The following KIF16B variants were observed in gnomAD, a reference collection of about 807,000 sequenced individuals.
KIF16B encodes the protein kinesin family member 16B.
KIF16B carries 98 observed loss-of-function variants against 156.3 expected under a neutral mutation model. That is an observed-to-expected ratio of 0.63 (90% CI 0.53 to 0.74). The LOEUF (loss-of-function observed/expected upper bound fraction) is 0.74, where lower values mean the gene tolerates loss of function less well. Among genes scored for constraint, KIF16B ranks in the 30% least tolerant of loss-of-function variants. The pLI is 0.00. For missense variants in KIF16B, 1,421 were observed against 1,606.5 expected (o/e 0.88, Z 1.97); for synonymous variants, 564 against 583.7 (o/e 0.97, Z 0.49).
At chr20:16,560,272 A>C (rs2071009141) in intron 1 of KIF16B, among the ~76,000 whole-genome samples, 1 of 152,100 alleles carries the variant, frequency 6.6e-6, no homozygotes, top group Non-Finnish European at 1.5e-5. Context: ...AATTTGAGCT[A>C]GTCTCCATCA....
intron 6 of KIF16B, among the ~76,000 whole-genome samples, chr20:16,508,711 C>T (rs932265524): frequency 6.6e-6 from 1 of 152,136 alleles, no homozygotes; most frequent in Non-Finnish European, 1.5e-5. Context: ...TACCAGTCTG[C>T]AGCCCGGGGG....
At chr20:16,449,511 C>T (rs2067023262) in intron 12 of KIF16B, among the ~76,000 whole-genome samples, 1 of 152,184 alleles carries the variant, frequency 6.6e-6, no homozygotes, top group Non-Finnish European at 1.5e-5. Flanking sequence ...AGAAGGTCCA[C>T]AAACTTGCTC....
rs568965914 is a variant in KIF16B, at chr20:16,413,294, T to C, written c.1613-6838A>G. Among the ~76,000 whole-genome samples the C allele has an allele frequency of 5.9e-5, 9 of 152,244 alleles. No homozygotes were observed. The South Asian group carries it at 1.7e-3, about 28-fold the overall frequency. On this transcript the variant is annotated intron_variant, in intron 15 of 25. Transcript: ENST00000354981. ...GAGGGGACATGACATTGTGAAAGCATAGACAAAGACATTGCTGGTTTCACA... is the reference window on the plus strand; with the variant it reads ...GAGGGGACATGACATTGTGAAAGCACAGACAAAGACATTGCTGGTTTCACA...
chr20:16,511,253 C>G (rs2068946227), intron 6 of KIF16B, among the ~76,000 whole-genome samples, 165 bp downstream of exon 6: 1 of 152,156 alleles, frequency 6.6e-6, no homozygotes, highest in Non-Finnish European at 1.5e-5. Flanking sequence ...TATAAATTCA[C>G]TAACGGAACA....
At chr20:16,410,124 TGTAG>T (rs1446150380) in intron 15 of KIF16B, among the ~76,000 whole-genome samples, 5 of 139,968 alleles carry the variant, frequency 3.6e-5, no homozygotes, top group African/African-American at 1.3e-4. Context: ...CATATATATA[TGTAG>T]GTACATATAT....
intron 25 of KIF16B, 95 bp downstream of exon 25, chr20:16,312,240 T>G (rs2063629826): frequency 2.4e-6 from 2 of 838,852 alleles, no homozygotes; most frequent in Admixed American, 2.3e-5. Context: ...TTCACACTTG[T>G]GAAGAAATTT....
At chr20:16,337,632 C>T (rs1465428271) in intron 23 of KIF16B, among the ~76,000 whole-genome samples, 2 of 152,202 alleles carry the variant, frequency 1.3e-5, no homozygotes, top group African/African-American at 4.8e-5. Flanking sequence ...AAGCACGTCA[C>T]TTGAGCTTGG....
intron 22 of KIF16B, among the ~76,000 whole-genome samples, chr20:16,369,731 C>T (rs1471742148): frequency 1.3e-5 from 2 of 152,170 alleles, no homozygotes; most frequent in Non-Finnish European, 2.9e-5. Flanking sequence ...ATTTCTCTCT[C>T]CTTTTGGTTT....
At chr20:16,426,636 T>C (rs2066359786) in intron 15 of KIF16B, among the ~76,000 whole-genome samples, 1 of 152,156 alleles carries the variant, frequency 6.6e-6, no homozygotes, top group South Asian at 2.1e-4. Flanking sequence ...CCAATAATTT[T>C]GAAATTTAAA....
At chr20:16,454,270 T>C (rs1057017511) in intron 12 of KIF16B, among the ~76,000 whole-genome samples, 4 of 151,524 alleles carry the variant, frequency 2.6e-5, no homozygotes, top group African/African-American at 7.3e-5. Context: ...ATATTTTCCA[T>C]AAGAAAAAAC....
intron 23 of KIF16B, among the ~76,000 whole-genome samples, chr20:16,346,451 G>A (rs1308484226): frequency 1.3e-5 from 2 of 152,138 alleles, no homozygotes; most frequent in African/African-American, 4.8e-5. Context: ...CAGAGCCTCA[G>A]GCTTGTGAAC....
At chr20:16,309,830 T>A (rs970429566) in intron 25 of KIF16B, among the ~76,000 whole-genome samples, 4 of 152,216 alleles carry the variant, frequency 2.6e-5, no homozygotes, top group African/African-American at 9.6e-5. Context: ...TTTATATATA[T>A]GACTAGGTAA....
chr20:16,531,392 A>G (rs1421788470), intron 1 of KIF16B, among the ~76,000 whole-genome samples: 1 of 152,240 alleles, frequency 6.6e-6, no homozygotes, highest in African/African-American at 2.4e-5. Flanking sequence ...AAGAAGTAAT[A>G]ACAAAATATC....
intron 12 of KIF16B, among the ~76,000 whole-genome samples, chr20:16,450,959 G>A (rs575756973): frequency 6.6e-6 from 1 of 152,326 alleles, no homozygotes. Context: ...AGTGACAGGT[G>A]ATGTGAGTGT....
intron 24 of KIF16B, among the ~76,000 whole-genome samples, chr20:16,325,408 G>T (rs144775551): frequency 6.6e-6 from 1 of 151,922 alleles, no homozygotes; most frequent in Non-Finnish European, 1.5e-5. Flanking sequence ...AAACCCTGAA[G>T]ACTCATCCAA....
At chr20:16,436,975 C>T (rs2066656678) in intron 12 of KIF16B, among the ~76,000 whole-genome samples, 1 of 152,170 alleles carries the variant, frequency 6.6e-6, no homozygotes, top group Non-Finnish European at 1.5e-5. Flanking sequence ...GATACCAAAT[C>T]CAAGAATGCT....
intron 12 of KIF16B, among the ~76,000 whole-genome samples, chr20:16,443,988 A>G (rs2066868146): frequency 6.6e-6 from 1 of 152,210 alleles, no homozygotes; most frequent in Non-Finnish European, 1.5e-5. Flanking sequence ...CACATGCAAC[A>G]CTTTCCAATC....
At chr20:16,347,024 G>A (rs1188536274) in intron 23 of KIF16B, among the ~76,000 whole-genome samples, 1 of 152,110 alleles carries the variant, frequency 6.6e-6, no homozygotes, top group Non-Finnish European at 1.5e-5. Context: ...TATTAGTCGT[G>A]TGATTTTGGA....
intron 22 of KIF16B, among the ~76,000 whole-genome samples, chr20:16,359,594 G>A (rs1450954046): frequency 6.7e-6 from 1 of 149,962 alleles, no homozygotes; most frequent in African/African-American, 2.5e-5. Context: ...AATGTACCAG[G>A]GTAAAACCAA....
Sources: allele counts gnomAD v4.1 joint callset (sites outside exome capture counted in the v4.1 genomes callset), GRCh38; gene constraint gnomAD v4.1.1; transcripts MANE v1.5; gene names NCBI Gene and HGNC (gene_info 2026-07-23, HGNC 2026-07-21).